TANGO6: variants seen among roughly 807,000 people sequenced by gnomAD.
The protein encoded by TANGO6 is transport and golgi organization 6 homolog, also known as transport and Golgi organization protein 6 homolog.
A neutral mutation model predicts 114.2 loss-of-function variants in TANGO6; 90 were observed. The ratio of observed to expected loss-of-function variants is 0.79; its 90% CI spans 0.66 to 0.94. TANGO6 has a LOEUF of 0.94. Ranked by LOEUF, TANGO6 falls within the 40% of genes least tolerant of loss-of-function variation. The pLI is 0.00. For synonymous variants in TANGO6, 477 were observed against 509.8 expected (o/e 0.94, Z 0.87); for missense variants, 1,274 against 1,315.3 (o/e 0.97, Z 0.49).
chr16:68,972,283 C>T (rs544898616), intron 14 of TANGO6, among the ~76,000 whole-genome samples: 1 of 152,104 alleles, frequency 6.6e-6, no homozygotes, highest in African/African-American at 2.4e-5. Context: ...ACAGGTGCAG[C>T]CCTCAGCAGG....
At chr16:68,976,807 A>G (rs745799184) in intron 15 of TANGO6, among the ~76,000 whole-genome samples, 2 of 152,212 alleles carry the variant, frequency 1.3e-5, no homozygotes, top group African/African-American at 2.4e-5. Flanking sequence ...GTTATAAAGT[A>G]TAGCTGTTGG....
In TANGO6 at chr16:68,891,292, CAAAAAA is replaced by C. The variant is rs534661540; in HGVS notation, c.1378-9130_1378-9125del. On this transcript the variant is annotated intron_variant, in intron 7 of 17. Coordinates refer to ENST00000261778, the MANE Select transcript of TANGO6 (RefSeq NM_024562.2). ...AGGTGACAAGAGCAAAACTCCATCT[CAAAAAA>C]AAAAAAAAAAAGAAATTAGCTGGGC... is the stretch of plus-strand genomic sequence containing the variant. 9.7e-3 allele frequency among the ~76,000 whole-genome samples: 827 copies of C among 84,916 alleles called. 12 individuals are homozygous for C. The highest frequency in any genetic ancestry group is 0.032 in the African/African-American group (804 of 25,070). The allele number at this position is 84,916 out of a possible 152,430, so 55.7% of individuals were successfully genotyped here.
chr16:68,962,907 A>G (rs1443536331), intron 14 of TANGO6, among the ~76,000 whole-genome samples: 2 of 148,114 alleles, frequency 1.4e-5, no homozygotes, highest in African/African-American at 5.0e-5. Flanking sequence ...ACATGGTGAA[A>G]CCCTGTCTCT....
intron 1 of TANGO6, chr16:68,846,676 T>C (rs954021017): frequency 3.0e-5 from 5 of 168,302 alleles, no homozygotes; most frequent in Non-Finnish European, 6.4e-5. Flanking sequence ...TCTTTTTTTT[T>C]TTTTTTTTTT....
At position 68,937,703 on chromosome 16, in the gene TANGO6, C is replaced by T. The variant is rs545741140; in HGVS notation, c.2701+7408C>T. On this transcript the variant is annotated intron_variant, in intron 14 of 17. Coordinates refer to ENST00000261778, the MANE Select transcript of TANGO6 (RefSeq NM_024562.2). The stretch of plus-strand genomic sequence containing the variant: ...TAATGTTTTTGAGGTTTGAGGTTTC[C>T]TTTTTATGACTTCATTCCTTTTTAT... 1.5e-3 allele frequency: 235 copies of T among 152,170 alleles called. 1 individual carries two copies. Among genetic ancestry groups the T allele is most frequent in the African/African-American group, 5.4e-3 (226 of 41,520 alleles). The allele number at this position is 152,170 out of a possible 1,614,324, so 9.4% of individuals were successfully genotyped here.
chr16:68,962,243 C>T (rs1158842651), intron 14 of TANGO6, among the ~76,000 whole-genome samples: 1 of 152,122 alleles, frequency 6.6e-6, no homozygotes, highest in Non-Finnish European at 1.5e-5. Context: ...GTCTCACATA[C>T]GTAACAACTG....
chr16:68,964,220 G>A (rs979367941), intron 14 of TANGO6, among the ~76,000 whole-genome samples: 9 of 151,778 alleles, frequency 5.9e-5, no homozygotes, highest in African/African-American at 2.2e-4. Context: ...TGATCTGATC[G>A]CTATATTATA....
intron 17 of TANGO6, among the ~76,000 whole-genome samples, chr16:69,067,951 A>AC (rs1466261817): frequency 6.7e-6 from 1 of 149,838 alleles, no homozygotes; most frequent in Non-Finnish European, 1.5e-5. Flanking sequence ...AAAAAAAAAA[A>AC]AAAAAGAAAA....
rs747317649 is a variant in TANGO6, at chr16:68,974,132, G to C, written c.2806G>C (p.Val936Leu). ...DKHTPETRMK[V>L]GEVLMRIVRA... ...GCACACACCAGAGACCAGAATGAAA[G>C]TCGGGGAAGTCCTTATGCGAATCGT... The change falls in exon 15 of 18, where the codon GTC becomes CTC. Residue 936 changes from valine (V) to leucine (L), a missense_variant. Physicochemically the swap from Val to Leu is conservative, Grantham distance 32. This residue lies in a region of TANGO6 where 238 missense variants were observed against 252.9 expected (regional missense o/e 0.94). Coordinates refer to ENST00000261778, the MANE Select transcript of TANGO6 (RefSeq NM_024562.2). The C allele has an allele frequency of 1.6e-5, 26 of 1,613,892 alleles. No homozygotes were observed. The Admixed American group carries it at 3.0e-4, about 19-fold the overall frequency.
At chr16:68,884,196 C>T (rs1488521906) in intron 7 of TANGO6, among the ~76,000 whole-genome samples, 1 of 152,176 alleles carries the variant, frequency 6.6e-6, no homozygotes, top group Non-Finnish European at 1.5e-5. Context: ...AGGCATAAGC[C>T]ACCGTGCCCG....
chr16:69,076,353 A>G (rs1378864021), intron 17 of TANGO6, among the ~76,000 whole-genome samples: 5 of 152,084 alleles, frequency 3.3e-5, no homozygotes, highest in East Asian at 1.9e-4. Flanking sequence ...TGGCCTCCCA[A>G]AATGCTAGGA....
intron 17 of TANGO6, among the ~76,000 whole-genome samples, chr16:69,050,990 T>C (rs1018096461): frequency 1.1e-4 from 16 of 152,060 alleles, no homozygotes; most frequent in Non-Finnish European, 1.5e-5. Flanking sequence ...TTGGGTTGTC[T>C]TTATTGTTGA....
chr16:68,877,338 T>C (rs1964303), intron 5 of TANGO6, among the ~76,000 whole-genome samples: 42,195 of 151,280 alleles, frequency 0.28, 7,230 homozygotes, highest in African/African-American at 0.5. Context: ...GGTAGTGGCA[T>C]GTGCCTGTAA....
intron 15 of TANGO6, among the ~76,000 whole-genome samples, chr16:68,990,668 A>G (rs151301824): frequency 4.5e-4 from 69 of 152,244 alleles, no homozygotes; most frequent in Middle Eastern, 6.8e-3. Context: ...CAGCTTCCCA[A>G]AGTGCTGAGA....
At chr16:68,965,730 G>T (rs1045760708) in intron 14 of TANGO6, among the ~76,000 whole-genome samples, 1 of 152,156 alleles carries the variant, frequency 6.6e-6, no homozygotes, top group Middle Eastern at 3.4e-3. Context: ...GAATCTGGGA[G>T]TTGGAGGTTG....
chr16:68,967,500 A>T (rs915401835), intron 14 of TANGO6, among the ~76,000 whole-genome samples: 4 of 152,174 alleles, frequency 2.6e-5, no homozygotes, highest in African/African-American at 7.2e-5. Context: ...GAATGTTGTT[A>T]TCACCCCAGA....
chr16:68,940,229 T>C (rs1001762407), intron 14 of TANGO6, among the ~76,000 whole-genome samples: 26 of 151,884 alleles, frequency 1.7e-4, no homozygotes, highest in African/African-American at 6.3e-4. Context: ...TTTTTTCTTT[T>C]CTTTTCTTGA....
At chr16:68,987,415 C>A (rs1333089324) in intron 15 of TANGO6, among the ~76,000 whole-genome samples, 3 of 152,172 alleles carry the variant, frequency 2.0e-5, no homozygotes, top group Non-Finnish European at 4.4e-5. Flanking sequence ...GTCACCCAGG[C>A]TGGCATGCAG....
chr16:68,928,126 G>T, intron 13 of TANGO6, 43 bp downstream of exon 13: 1 of 1,498,820 alleles, frequency 6.7e-7, no homozygotes. Flanking sequence ...ACAGGGTGGG[G>T]CATTCATTCA....
Sources: gnomAD v4.1 joint callset for allele counts (sites outside exome capture counted in the v4.1 genomes callset) on GRCh38, gnomAD v4.1.1 for gene constraint, gnomAD v4.1.1 regional missense constraint, MANE v1.5 for transcripts, NCBI Gene and HGNC (gene_info 2026-07-23, HGNC 2026-07-21) for gene names.